Variants in RNASET2 observed in about 807,000 individuals in gnomAD.
RNASET2 encodes the protein ribonuclease T2, also known as ribonuclease 6.
Under a neutral mutation model 33.9 loss-of-function variants are expected in RNASET2, and 28 were observed. The ratio of observed to expected loss-of-function variants is 0.83; its 90% CI spans 0.61 to 1.13. RNASET2 has a LOEUF of 1.13. Among genes scored for constraint, RNASET2 ranks in the 50% most tolerant of loss-of-function variants. The probability of loss-of-function intolerance (pLI) is 0.00; values close to 1 mark genes in which losing one functional copy is unlikely to be tolerated. For synonymous variants in RNASET2, 123 were observed against 121.0 expected (o/e 1.02, Z -0.11); for missense variants, 330 against 319.9 (o/e 1.03, Z -0.24).
chr6:166,936,542 G>A (rs1778573599), intron 6 of RNASET2, among the ~76,000 whole-genome samples: 1 of 152,216 alleles, frequency 6.6e-6, no homozygotes, highest in Non-Finnish European at 1.5e-5. Context: ...GAAGGCAAAG[G>A]GGAGCTGGTG....
intron 7 of RNASET2, 144 bp from the exon 8 acceptor site, chr6:166,931,262 G>A (rs1028174584): frequency 9.9e-6 from 7 of 704,480 alleles, no homozygotes; most frequent in Admixed American, 6.1e-5. Flanking sequence ...TGAGAATGAT[G>A]CCCCCACCTC....
chr6:166,944,782 C>T (rs556391464), intron 4 of RNASET2, among the ~76,000 whole-genome samples: 29 of 152,040 alleles, frequency 1.9e-4, no homozygotes, highest in South Asian at 4.1e-4. Flanking sequence ...CCTGGGTTTC[C>T]GCCTTTCCCA....
At position 166,948,604 on chromosome 6, in the gene RNASET2, C is replaced by T; in HGVS notation, c.169G>A (p.Asp57Asn). ...TGTATTGTCCAGTAATCCGGAGGGT[C>T]TCTACAGTCGTTTTGAATTTTCTAG... ...VCEKIQNDCR[D>N]PPDYWTIHGL... is the part of the protein sequence containing the mutation. The change falls in exon 3 of 9, where the codon GAC (aspartate) becomes AAC (asparagine). Residue 57 changes from aspartate (D) to asparagine (N), a missense_variant. Asp to Asn is a conservative substitution (Grantham distance 23). Coordinates refer to ENST00000508775, the MANE Select transcript of RNASET2 (RefSeq NM_003730.6). 1 of 1,600,208 alleles carries T rather than the reference C, an allele frequency of 6.2e-7. No homozygotes were observed. Among genetic ancestry groups the T allele is most frequent in the Non-Finnish European group, 8.6e-7 (1 of 1,168,184 alleles).
intron 1 of RNASET2, 123 bp downstream of exon 1, chr6:166,955,974 G>A (rs1779154881): frequency 3.8e-6 from 3 of 799,134 alleles, no homozygotes; most frequent in Non-Finnish European, 5.7e-6. Context: ...GGCTCCCCCC[G>A]CCCTCCCCAG....
chr6:166,935,195 C>T (rs1290172217), intron 6 of RNASET2: 1 of 143,212 alleles, frequency 7.0e-6, no homozygotes, highest in Non-Finnish European at 1.5e-5. Context: ...GTATGAATAA[C>T]AGGTTTCAGA....
chr6:166,947,443 A>AACAGCTGG (rs1251510418), intron 3 of RNASET2, among the ~76,000 whole-genome samples: 5 of 152,196 alleles, frequency 3.3e-5, no homozygotes, highest in African/African-American at 1.2e-4. Context: ...CTTCAGGGTC[A>AACAGCTGG]ACAGCTGGAC....
rs897336476 is a variant in RNASET2, at chr6:166,952,916, C to T, written c.87-368G>A. On this transcript the variant is annotated intron_variant, in intron 1 of 8. Transcript: ENST00000508775. Reference sequence around the variant, plus strand: ...GATGCTCAAGAGAAATGCAGACCCACGATCCCTCCCCTGCATTCGTGAAAC... The same window carrying T: ...GATGCTCAAGAGAAATGCAGACCCATGATCCCTCCCCTGCATTCGTGAAAC... 62 of 273,776 alleles carry T rather than the reference C, an allele frequency of 2.3e-4. 4 individuals are homozygous for T. The highest frequency in any genetic ancestry group is 9.2e-5 in the Admixed American group (2 of 21,628). The allele number at this position is 273,776 out of a possible 1,614,324, so 17.0% of individuals were successfully genotyped here. A position where few individuals can be genotyped will look rare whatever the true frequency, so the allele number is the denominator to read the frequency against.
At chr6:166,955,315 A>ACG (rs201717743) in intron 1 of RNASET2, among the ~76,000 whole-genome samples, 1,666 of 60,412 alleles carry the variant, frequency 0.028, 67 homozygotes, top group Non-Finnish European at 0.034. Context: ...CACGACACAC[A>ACG]CGCACACACA....
intron 2 of RNASET2, among the ~76,000 whole-genome samples, chr6:166,951,598 T>C (rs1778986157): frequency 6.6e-6 from 1 of 152,270 alleles, no homozygotes; most frequent in African/African-American, 2.4e-5. Flanking sequence ...ACTTGTCTTC[T>C]GGTCACTTCT....
intron 1 of RNASET2, among the ~76,000 whole-genome samples, chr6:166,954,294 A>G (rs1025612615): frequency 6.6e-6 from 1 of 152,216 alleles, no homozygotes; most frequent in Non-Finnish European, 1.5e-5. Flanking sequence ...TTGCCTGCTC[A>G]AGTTTGTCCG....
intron 5 of RNASET2, among the ~76,000 whole-genome samples, chr6:166,941,993 G>A (rs921623501): frequency 6.6e-6 from 1 of 151,534 alleles, no homozygotes; most frequent in Non-Finnish European, 1.5e-5. Context: ...AGCCTCACAT[G>A]CTAAGTCTCA....
intron 2 of RNASET2, among the ~76,000 whole-genome samples, chr6:166,950,757 G>C (rs976728228): frequency 6.6e-6 from 1 of 152,242 alleles, no homozygotes; most frequent in African/African-American, 2.4e-5. Context: ...AGATGATGAG[G>C]GGCCAGCCCG....
chr6:166,931,562 T>C, intron 7 of RNASET2: 1 of 206,200 alleles, frequency 4.8e-6, no homozygotes. Flanking sequence ...ACATTCTCCT[T>C]CACAGAAGAA....
chr6:166,934,322 C>T (rs1023603501), intron 6 of RNASET2, 186 bp from the exon 7 acceptor site: 104 of 604,032 alleles, frequency 1.7e-4, no homozygotes, highest in Non-Finnish European at 2.9e-4. Flanking sequence ...CCGCCTTCCC[C>T]ACCCCTTAGC....
intron 7 of RNASET2, chr6:166,931,402 C>T: frequency 2.0e-6 from 1 of 494,252 alleles, no homozygotes; most frequent in Non-Finnish European, 3.7e-6. Flanking sequence ...CAGTGTCTTT[C>T]TGGGCCCCGA....
At chr6:166,955,689 C>G (rs1288571602) in intron 1 of RNASET2, 10 of 1,081,442 alleles carry the variant, frequency 9.2e-6, no homozygotes, top group East Asian at 8.2e-5. Flanking sequence ...CACCCTACCC[C>G]CTACTCCTTC....
intron 7 of RNASET2, chr6:166,932,699 T>G (rs958055274): frequency 2.6e-4 from 40 of 152,232 alleles, no homozygotes; most frequent in African/African-American, 9.2e-4. Flanking sequence ...CACCGTGCTG[T>G]TTCTGATGCC....
chr6:166,956,302 C>T lies in RNASET2; in HGVS notation c.-120G>A. On this transcript the variant is annotated 5_prime_UTR_variant, in exon 1 of 9. Coordinates refer to ENST00000508775, the MANE Select transcript of RNASET2 (RefSeq NM_003730.6). The stretch of plus-strand genomic sequence containing the variant: ...CCGAGCCCCCGCGCCGCCGCGCTCC[C>T]TCCGCTGCAGCAGCGGCCACCGGGT... The T allele has an allele frequency of 1.0e-6, 1 of 999,926 alleles. No homozygotes were observed. The highest frequency in any genetic ancestry group is 2.0e-5 in the Admixed American group (1 of 49,828). 61.9% of individuals were successfully genotyped at this position (999,926 alleles called of 1,614,324 possible).
At chr6:166,955,743 T>C in intron 1 of RNASET2, 1 of 1,129,092 alleles carries the variant, frequency 8.9e-7, no homozygotes, top group Non-Finnish European at 1.1e-6. Flanking sequence ...CCAACCCACT[T>C]CTTCCCAGGA....
Sources: gnomAD v4.1 joint callset for allele counts (sites outside exome capture counted in the v4.1 genomes callset) on GRCh38, gnomAD v4.1.1 for gene constraint, MANE v1.5 for transcripts, NCBI Gene and HGNC (gene_info 2026-07-23, HGNC 2026-07-21) for gene names.